The following MACROD2 variants were observed in gnomAD, a reference collection of about 807,000 sequenced individuals.
MACROD2 encodes mono-ADP ribosylhydrolase 2.
MACROD2 carries 36 observed loss-of-function variants against 70.4 expected under a neutral mutation model. The ratio of observed to expected loss-of-function variants is 0.51; its 90% CI spans 0.39 to 0.68. The LOEUF is 0.68. Ranked by LOEUF, MACROD2 falls within the 30% of genes least tolerant of loss-of-function variation. The pLI, the probability that MACROD2 is intolerant of heterozygous loss-of-function variation, is 0.00. For missense variants in MACROD2, 496 were observed against 538.4 expected, an observed-to-expected ratio of 0.92 and a Z score of 0.78; for synonymous variants, 172 against 178.8, an observed-to-expected ratio of 0.96 and a Z score of 0.30.
chr20:14,801,253 C>T (rs1294028300), intron 5 of MACROD2, among the ~76,000 whole-genome samples: 1 of 152,148 alleles, frequency 6.6e-6, no homozygotes, highest in Non-Finnish European at 1.5e-5. Context: ...CTGCGCCCCT[C>T]AGCAGTGACA....
At chr20:14,926,846 G>C (rs999135902) in intron 5 of MACROD2, among the ~76,000 whole-genome samples, 4 of 152,138 alleles carry the variant, frequency 2.6e-5, no homozygotes, top group Non-Finnish European at 5.9e-5. Context: ...AAAGGCAATG[G>C]CTAATTAGAA....
chr20:14,979,658 G>GT (rs769470967), intron 5 of MACROD2, among the ~76,000 whole-genome samples: 22 of 152,186 alleles, frequency 1.4e-4, no homozygotes, highest in African/African-American at 3.1e-4. Flanking sequence ...TTGATCACAA[G>GT]TTTTTTTTAC....
intron 8 of MACROD2, among the ~76,000 whole-genome samples, chr20:15,754,350 C>T (rs2051314838): frequency 1.3e-5 from 2 of 152,296 alleles, no homozygotes; most frequent in South Asian, 2.1e-4. Flanking sequence ...AGGCCAAGCG[C>T]GGTGGCTCAC....
intron 5 of MACROD2, chr20:14,933,996 G>T (rs1401409456): frequency 6.6e-6 from 1 of 152,098 alleles, no homozygotes; most frequent in African/African-American, 2.4e-5. Flanking sequence ...GAAAGATCAG[G>T]AACTCAGAAA....
chr20:14,300,942 T>G (rs1362668611), intron 3 of MACROD2, among the ~76,000 whole-genome samples: 2 of 152,230 alleles, frequency 1.3e-5, no homozygotes, highest in African/African-American at 4.8e-5. Flanking sequence ...GTGACAGTTA[T>G]AAGGAAAAGC....
At chr20:14,980,085 C>A (rs2074783199) in intron 5 of MACROD2, among the ~76,000 whole-genome samples, 1 of 152,092 alleles carries the variant, frequency 6.6e-6, no homozygotes, top group South Asian at 2.1e-4. Flanking sequence ...ATATTTAATT[C>A]TCATGACAAT....
intron 3 of MACROD2, among the ~76,000 whole-genome samples, chr20:14,177,736 A>T (rs1370852914): frequency 1.3e-5 from 2 of 152,316 alleles, no homozygotes; most frequent in African/African-American, 4.8e-5. Context: ...GCATGTGATA[A>T]ATATAGCATC....
rs77245188 is a variant in MACROD2 at position 15,475,487 on chromosome 20, A to G, written c.572-24287A>G. On this transcript the variant is annotated intron_variant, in intron 7 of 17. Coordinates refer to ENST00000684519, the MANE Select transcript of MACROD2 (RefSeq NM_001351661.2). The stretch of plus-strand genomic sequence containing the variant: ...CTGCATGAGAGTATCCAGGAAAATC[A>G]CATTCAGATGGGAGATCATTTAATG... 2.6e-5 allele frequency among the ~76,000 whole-genome samples: 4 copies of G among 152,356 alleles called. No individual in the cohort carries two copies. The East Asian group carries it at 7.7e-4, about 29-fold the overall frequency.
intron 5 of MACROD2, among the ~76,000 whole-genome samples, chr20:15,012,115 G>T (rs1465076018): frequency 8.5e-5 from 13 of 152,078 alleles, no homozygotes; most frequent in Admixed American, 8.5e-4. Context: ...AACCCCAAAG[G>T]GTCACAAAAA....
At chr20:15,764,450 C>G (rs1359800863) in intron 8 of MACROD2, among the ~76,000 whole-genome samples, 1 of 152,060 alleles carries the variant, frequency 6.6e-6, no homozygotes, top group South Asian at 2.1e-4. Context: ...TGACTCCTTC[C>G]CTTCCACCAA....
chr20:15,631,165 A>G (rs926800554), intron 8 of MACROD2, among the ~76,000 whole-genome samples: 3 of 152,216 alleles, frequency 2.0e-5, no homozygotes, highest in African/African-American at 7.2e-5. Context: ...ATCTTCATCC[A>G]CATGCGGGAG....
chr20:15,358,319 C>T (rs1226785917), intron 6 of MACROD2, among the ~76,000 whole-genome samples: 1 of 152,112 alleles, frequency 6.6e-6, no homozygotes, highest in Admixed American at 6.5e-5. Flanking sequence ...GGAATTTGAA[C>T]ATGAAGGAGA....
intron 2 of MACROD2, chr20:14,053,529 A>T (rs544122902): frequency 6.6e-6 from 1 of 152,144 alleles, no homozygotes; most frequent in Non-Finnish European, 1.5e-5. Flanking sequence ...TCATCCAAGG[A>T]TGAATGAAAA....
At chr20:14,115,663 G>A (rs1391046710) in intron 3 of MACROD2, among the ~76,000 whole-genome samples, 1 of 152,174 alleles carries the variant, frequency 6.6e-6, no homozygotes, top group East Asian at 1.9e-4. Flanking sequence ...TCACCAATTA[G>A]AAGTTCATAT....
At position 14,326,695 on chromosome 20, in the gene MACROD2, C is replaced by G; in HGVS notation, c.272-166784C>G. On this transcript the variant is annotated intron_variant, in intron 3 of 17. Coordinates refer to ENST00000684519, the MANE Select transcript of MACROD2 (RefSeq NM_001351661.2). The surrounding 1 kb of genome is among the most constrained non-coding windows in gnomAD (Gnocchi z 5.5). Reference sequence around the variant, plus strand: ...GGACATATCCAGTCGATAGAGCTGCCTTAGATAAGAAAAAGCATTTGGGGG... The same window carrying G: ...GGACATATCCAGTCGATAGAGCTGCGTTAGATAAGAAAAAGCATTTGGGGG... 1 of 1,613,704 alleles carries G rather than the reference C, an allele frequency of 6.2e-7. No homozygotes were observed. Among genetic ancestry groups the G allele is most frequent in the African/African-American group, 1.3e-5 (1 of 74,986 alleles).
intron 3 of MACROD2, among the ~76,000 whole-genome samples, chr20:14,319,531 T>A (rs1202383886): frequency 1.3e-5 from 2 of 152,102 alleles, no homozygotes; most frequent in African/African-American, 2.4e-5. Context: ...GAAAGAGTAG[T>A]CTTAATCATT....
At chr20:15,663,062 G>GAA (rs530617230) in intron 8 of MACROD2, among the ~76,000 whole-genome samples, 159 of 152,212 alleles carry the variant, frequency 1.0e-3, no homozygotes, top group African/African-American at 3.8e-3. Flanking sequence ...TAAAGGAATA[G>GAA]AAGTCAGCTG....
intron 5 of MACROD2, among the ~76,000 whole-genome samples, chr20:15,158,853 TCA>T (rs2076327532): frequency 6.6e-6 from 1 of 152,174 alleles, no homozygotes; most frequent in Non-Finnish European, 1.5e-5. Context: ...CTTTGACGTC[TCA>T]GTTACAGGAT....
intron 3 of MACROD2, among the ~76,000 whole-genome samples, chr20:14,378,368 C>T (rs2083392562): frequency 6.6e-6 from 1 of 152,140 alleles, no homozygotes; most frequent in Admixed American, 6.5e-5. Context: ...CACTGCCTCA[C>T]TTAAAACTCC....
Sources: gnomAD v4.1 joint callset for allele counts (sites outside exome capture counted in the v4.1 genomes callset) on GRCh38, gnomAD v4.1.1 for gene constraint, Gnocchi (gnomAD v3.1) non-coding constraint, MANE v1.5 for transcripts, NCBI Gene and HGNC (gene_info 2026-07-23, HGNC 2026-07-21) for gene names.